The following EPB41L5 variants were observed in gnomAD, a reference collection of about 807,000 sequenced individuals.
EPB41L5 encodes band 4.1-like protein 5.
In EPB41L5, 55 loss-of-function variants were observed where a neutral mutation model predicts 106.6. The ratio of observed to expected loss-of-function variants is 0.52; its 90% CI spans 0.42 to 0.65. The LOEUF (loss-of-function observed/expected upper bound fraction) is 0.65. EPB41L5 is among the 30% of genes least tolerant of loss of function. EPB41L5 has a pLI of 0.00. For synonymous variants in EPB41L5, 297 were observed against 306.7 expected, an observed-to-expected ratio of 0.97 and a Z score of 0.33; for missense variants, 871 against 882.1, an observed-to-expected ratio of 0.99 and a Z score of 0.16.
intron 22 of EPB41L5, among the ~76,000 whole-genome samples, chr2:120,166,633 T>G (rs1687424550): frequency 6.6e-6 from 1 of 152,264 alleles, no homozygotes; most frequent in Admixed American, 6.5e-5. Flanking sequence ...AGGCAGGGTT[T>G]CACCATGTTG....
intron 10 of EPB41L5, among the ~76,000 whole-genome samples, chr2:120,086,736 A>G (rs1258694830): frequency 6.6e-6 from 1 of 152,156 alleles, no homozygotes; most frequent in Non-Finnish European, 1.5e-5. Context: ...GGGAGAACCT[A>G]TCTCAAACAA....
intron 3 of EPB41L5, among the ~76,000 whole-genome samples, chr2:120,070,150 TCAC>T: frequency 6.6e-6 from 1 of 152,094 alleles, no homozygotes. Flanking sequence ...AAAATGGAAA[TCAC>T]CACTGATCCC....
intron 21 of EPB41L5, among the ~76,000 whole-genome samples, chr2:120,163,272 C>CCCCA (rs1553515959): frequency 5.7e-5 from 6 of 106,080 alleles, no homozygotes; most frequent in African/African-American, 1.6e-4. Flanking sequence ...CCCCCCCCCC[C>CCCCA]AAAAAAAGAA....
At chr2:120,075,856 C>G (rs773382862) in intron 7 of EPB41L5, 103 bp downstream of exon 7, 2 of 945,782 alleles carry the variant, frequency 2.1e-6, no homozygotes, top group Non-Finnish European at 3.4e-6. Context: ...AGAAACAACA[C>G]TGTTTTTGTA....
intron 10 of EPB41L5, among the ~76,000 whole-genome samples, chr2:120,081,037 A>G (rs1195167437): frequency 6.6e-6 from 1 of 151,962 alleles, no homozygotes; most frequent in Non-Finnish European, 1.5e-5. Flanking sequence ...AGATTGCAAA[A>G]CTTTTCTCTC....
chr2:120,174,950 G>T lies in EPB41L5; in HGVS notation c.*43G>T, dbSNP rs763921315. On this transcript the variant is annotated 3_prime_UTR_variant, in exon 25 of 25. Coordinates refer to ENST00000263713, the MANE Select transcript of EPB41L5 (RefSeq NM_020909.4). ...ACGCATCTCTCCAGCATTCCGTCCT[G>T]GGATCCGTTTCAGCTAGAATATGTT... The T allele has an allele frequency of 2.5e-6, 4 of 1,568,816 alleles. No individual in the cohort carries two copies. Among genetic ancestry groups the T allele is most frequent in the Admixed American group, 3.3e-5 (2 of 59,970 alleles).
intron 3 of EPB41L5, among the ~76,000 whole-genome samples, chr2:120,069,128 C>CAAAAAAAAAAAA (rs539813602): frequency 2.0e-4 from 16 of 79,546 alleles, no homozygotes; most frequent in African/African-American, 4.1e-4. Context: ...AACTCTGTCT[C>CAAAAAAAAAAAA]AAAAAAAAAA....
At chr2:120,071,026 T>C (rs1269524835) in intron 3 of EPB41L5, among the ~76,000 whole-genome samples, 1 of 152,178 alleles carries the variant, frequency 6.6e-6, no homozygotes, top group South Asian at 2.1e-4. Flanking sequence ...CATATTCATA[T>C]GGGAAGAGAG....
intron 10 of EPB41L5, among the ~76,000 whole-genome samples, chr2:120,081,390 G>C (rs1252596201): frequency 1.3e-5 from 2 of 152,082 alleles, no homozygotes; most frequent in Admixed American, 6.6e-5. Context: ...TCTTGTTTTT[G>C]TCAGGTTTGT....
chr2:120,020,020 A>G (rs1334002848), intron 2 of EPB41L5, among the ~76,000 whole-genome samples: 4 of 152,160 alleles, frequency 2.6e-5, no homozygotes, highest in Admixed American at 1.3e-4. Context: ...GAGGAGGGGA[A>G]GAAAAGGTTG....
chr2:120,059,495 T>TA (rs1445113826), intron 3 of EPB41L5, among the ~76,000 whole-genome samples: 12 of 152,096 alleles, frequency 7.9e-5, no homozygotes, highest in African/African-American at 2.9e-4. Context: ...CATAAAAAAT[T>TA]AAAAACTTTT....
intron 3 of EPB41L5, among the ~76,000 whole-genome samples, chr2:120,059,854 C>G (rs1680910147): frequency 6.6e-6 from 1 of 152,150 alleles, no homozygotes; most frequent in Non-Finnish European, 1.5e-5. Flanking sequence ...CACCTCAAAC[C>G]TGGGCGACAG....
At chr2:120,069,955 TAAC>T (rs1226021846) in intron 3 of EPB41L5, among the ~76,000 whole-genome samples, 1 of 151,780 alleles carries the variant, frequency 6.6e-6, no homozygotes, top group Admixed American at 6.6e-5. Flanking sequence ...AAGAAATAAC[TAAC>T]AACAGAGCAG....
intron 14 of EPB41L5, among the ~76,000 whole-genome samples, chr2:120,099,575 C>T (rs1423926756): frequency 6.6e-6 from 1 of 151,818 alleles, no homozygotes; most frequent in Admixed American, 6.6e-5. Flanking sequence ...CTACAGGTGC[C>T]CGCCACCACA....
At chr2:120,161,563 C>T (rs761712704) in intron 21 of EPB41L5, among the ~76,000 whole-genome samples, 5 of 152,130 alleles carry the variant, frequency 3.3e-5, no homozygotes, top group Non-Finnish European at 5.9e-5. Context: ...TACAGTGTTG[C>T]ATGCAAATAG....
At chr2:120,106,877 T>C (rs1385642661) in intron 16 of EPB41L5, 1 of 981,026 alleles carries the variant, frequency 1.0e-6, no homozygotes, top group Non-Finnish European at 1.2e-6. Context: ...AACATACTTT[T>C]AAATGAATTT....
intron 24 of EPB41L5, among the ~76,000 whole-genome samples, chr2:120,173,390 A>G (rs10209713): frequency 0.11 from 16,748 of 152,140 alleles, 1,441 homozygotes; most frequent in African/African-American, 0.23. Context: ...ATCTCTGGAG[A>G]CAGGTTTGTT....
chr2:120,152,214 T>G (rs1172520535), intron 20 of EPB41L5, among the ~76,000 whole-genome samples: 2 of 152,124 alleles, frequency 1.3e-5, no homozygotes, highest in Non-Finnish European at 2.9e-5. Context: ...CTGTTTGTTT[T>G]TATCATGAAA....
intron 18 of EPB41L5, among the ~76,000 whole-genome samples, chr2:120,137,241 A>G (rs1369025711): frequency 6.6e-6 from 1 of 152,090 alleles, no homozygotes; most frequent in Non-Finnish European, 1.5e-5. Context: ...GTTTATAGCA[A>G]TAAGCACCTA....
Sources: gnomAD v4.1 joint callset for allele counts (sites outside exome capture counted in the v4.1 genomes callset) on GRCh38, gnomAD v4.1.1 for gene constraint, MANE v1.5 for transcripts, NCBI Gene and HGNC (gene_info 2026-07-23, HGNC 2026-07-21) for gene names.